Variants in DPY19L4 observed in about 807,000 individuals in gnomAD.
DPY19L4 encodes probable C-mannosyltransferase DPY19L4.
In DPY19L4, 97 loss-of-function variants were observed where a neutral mutation model predicts 102.8. That is an observed-to-expected ratio of 0.94 (90% CI 0.80 to 1.12). The LOEUF (loss-of-function observed/expected upper bound fraction) is 1.12. Ranked by LOEUF, DPY19L4 falls within the 50% of genes most tolerant of loss-of-function variation. The pLI is 0.00. For synonymous variants in DPY19L4, 252 were observed against 283.1 expected (o/e 0.89, Z 1.10); for missense variants, 815 against 850.4 (o/e 0.96, Z 0.52).
chr8:94,730,012 T>C (rs1398720369), intron 2 of DPY19L4, among the ~76,000 whole-genome samples: 2 of 151,876 alleles, frequency 1.3e-5, no homozygotes, highest in Non-Finnish European at 2.9e-5. Flanking sequence ...ATAATTTCAG[T>C]AGATATAAAT....
At chr8:94,769,672 T>C (rs1812836438) in intron 12 of DPY19L4, among the ~76,000 whole-genome samples, 1 of 151,516 alleles carries the variant, frequency 6.6e-6, no homozygotes, top group Non-Finnish European at 1.5e-5. Context: ...GGCAACATAG[T>C]GAGACCCCCG....
chr8:94,775,833 A>T (rs1813152077), intron 13 of DPY19L4, among the ~76,000 whole-genome samples: 3 of 152,076 alleles, frequency 2.0e-5, no homozygotes, highest in Non-Finnish European at 4.4e-5. Context: ...ATCTATACTA[A>T]GCACTGATAT....
rs189232226 is a variant in DPY19L4 at position 94,770,012 on chromosome 8, G to T, written c.1335-440G>T. Among the ~76,000 whole-genome samples the T allele has an allele frequency of 9.9e-5, 15 of 150,864 alleles. No homozygotes were observed. The East Asian group carries it at 2.3e-3, about 24-fold the overall frequency. On this transcript the variant is annotated intron_variant, in intron 12 of 18. Transcript: ENST00000414645. ...AAGCGATTCTCTTGCCTCAACCTCC[G>T]GAGTAGCTAAGATTACAGGCATGTG...
chr8:94,780,400 C>A lies in DPY19L4; in HGVS notation c.1617C>A (p.Leu539=). The change falls in exon 15 of 19, where the codon CTC becomes CTA. Residue 539 remains leucine, a synonymous_variant. Coordinates refer to ENST00000414645, the MANE Select transcript of DPY19L4 (RefSeq NM_181787.3). ...TGGCCGTGCCTACTATAATAGGTCT[C>A]AGCTTATGGAAAGAGGTAAAAAAAT... ...LSMAVPTIIG[L]SLWKEFFPRL... 6.8e-7 allele frequency: 1 copy of A among 1,471,596 alleles called. No individual in the cohort carries two copies. Among genetic ancestry groups the A allele is most frequent in the Middle Eastern group, 2.0e-4 (1 of 4,900 alleles). 91.2% of individuals were successfully genotyped at this position (1,471,596 alleles called of 1,614,324 possible). A position where few individuals can be genotyped will look rare whatever the true frequency, so the allele number is the denominator to read the frequency against.
intron 6 of DPY19L4, among the ~76,000 whole-genome samples, chr8:94,749,235 A>G (rs561982206): frequency 1.0e-3 from 158 of 152,272 alleles, no homozygotes; most frequent in African/African-American, 3.2e-3. Context: ...CAGCCAAACC[A>G]TATCACCCCA....
chr8:94,770,258 C>T (rs1001828228), intron 12 of DPY19L4, among the ~76,000 whole-genome samples, 194 bp from the exon 13 acceptor site: 4 of 152,010 alleles, frequency 2.6e-5, no homozygotes, highest in African/African-American at 7.3e-5. Flanking sequence ...AAAAGCCATT[C>T]GCAGAAACTT....
intron 12 of DPY19L4, 64 bp from the exon 13 acceptor site, chr8:94,770,386 CAA>C: frequency 6.8e-7 from 1 of 1,463,246 alleles, no homozygotes; most frequent in Non-Finnish European, 9.1e-7. Flanking sequence ...AGATGATAAA[CAA>C]TGTATCTTTG....
At chr8:94,766,563 G>A (rs1812682864) in intron 10 of DPY19L4, 49 bp from the exon 11 acceptor site, 1 of 1,558,152 alleles carries the variant, frequency 6.4e-7, no homozygotes. Context: ...GCATATGTTT[G>A]TAAGCATAGC....
chr8:94,762,819 C>T (rs144763313), intron 8 of DPY19L4, among the ~76,000 whole-genome samples: 1 of 152,108 alleles, frequency 6.6e-6, no homozygotes, highest in African/African-American at 2.4e-5. Context: ...ATGGTAAGAT[C>T]CCACCTCTAA....
rs1343885598 is a variant in DPY19L4, at chr8:94,793,122, T to G, written c.*3212T>G. Reference sequence around the variant, plus strand: ...CTTTCTGTGTATATAGGCAGCATATTTTTTTTGTAGAACATTAACCCAGAT... The same window carrying G: ...CTTTCTGTGTATATAGGCAGCATATGTTTTTTGTAGAACATTAACCCAGAT... On this transcript the variant is annotated 3_prime_UTR_variant, in exon 19 of 19. Coordinates refer to ENST00000414645, the MANE Select transcript of DPY19L4 (RefSeq NM_181787.3). 6.6e-6 allele frequency: 1 copy of G among 152,168 alleles called. No individual in the cohort carries two copies. The highest frequency in any genetic ancestry group is 1.5e-5 in the Non-Finnish European group (1 of 68,028). The allele number at this position is 152,168 out of a possible 1,614,324, so 9.4% of individuals were successfully genotyped here. A position where few individuals can be genotyped will look rare whatever the true frequency, so the allele number is the denominator to read the frequency against.
At chr8:94,724,457 G>A (rs2130781241) in intron 1 of DPY19L4, among the ~76,000 whole-genome samples, 1 of 152,300 alleles carries the variant, frequency 6.6e-6, no homozygotes, top group East Asian at 1.9e-4. Context: ...TTAACCTAGA[G>A]CAGGGGAATA....
intron 1 of DPY19L4, among the ~76,000 whole-genome samples, chr8:94,722,363 C>T (rs935434078): frequency 5.9e-5 from 9 of 151,970 alleles, no homozygotes; most frequent in Non-Finnish European, 1.0e-4. Flanking sequence ...GACGAGATCG[C>T]CCCACTGCAC....
At chr8:94,770,407 C>A in intron 12 of DPY19L4, 45 bp from the exon 13 acceptor site, 2 of 1,546,072 alleles carry the variant, frequency 1.3e-6, no homozygotes, top group Non-Finnish European at 8.7e-7. Context: ...TGGTTTTTTA[C>A]AAATACATTT....
chr8:94,764,075 G>A (rs1812521525), intron 8 of DPY19L4, among the ~76,000 whole-genome samples: 1 of 152,176 alleles, frequency 6.6e-6, no homozygotes, highest in Admixed American at 6.5e-5. Flanking sequence ...ACTTTACTCT[G>A]ATGGTGCATT....
chr8:94,735,743 C>G (rs1307697221), intron 3 of DPY19L4, among the ~76,000 whole-genome samples: 1 of 152,096 alleles, frequency 6.6e-6, no homozygotes, highest in Non-Finnish European at 1.5e-5. Flanking sequence ...TTGGCAGAAT[C>G]TGGGAGCTTT....
chr8:94,779,951 T>A (rs570011151), intron 14 of DPY19L4, among the ~76,000 whole-genome samples: 18 of 152,308 alleles, frequency 1.2e-4, no homozygotes, highest in Admixed American at 4.6e-4. Context: ...AGTATACTGA[T>A]GTATATTAGC....
At chr8:94,782,501 C>T (rs964439041) in intron 16 of DPY19L4, among the ~76,000 whole-genome samples, 1 of 151,864 alleles carries the variant, frequency 6.6e-6, no homozygotes, top group Admixed American at 6.6e-5. Flanking sequence ...ATTACTGTGG[C>T]CATTTTTGTA....
chr8:94,783,359 G>A (rs1372085787), intron 16 of DPY19L4, among the ~76,000 whole-genome samples: 1 of 152,118 alleles, frequency 6.6e-6, no homozygotes, highest in Non-Finnish European at 1.5e-5. Context: ...ATATATTCTT[G>A]TTACTATCCC....
chr8:94,721,491 A>G (rs1223668786), intron 1 of DPY19L4, among the ~76,000 whole-genome samples: 2 of 152,218 alleles, frequency 1.3e-5, no homozygotes, highest in Non-Finnish European at 2.9e-5. Context: ...GAAAGAATGT[A>G]ATTCCATTTG....
Sources: allele counts gnomAD v4.1 joint callset (sites outside exome capture counted in the v4.1 genomes callset), GRCh38; gene constraint gnomAD v4.1.1; transcripts MANE v1.5; gene names NCBI Gene and HGNC (gene_info 2026-07-23, HGNC 2026-07-21).